The following TUBGCP5 variants were observed in gnomAD, a reference collection of about 807,000 sequenced individuals.
The protein encoded by TUBGCP5 is gamma-tubulin complex component 5.
TUBGCP5 carries 98 observed loss-of-function variants against 134.7 expected under a neutral mutation model. The observed-to-expected ratio is 0.73, with a 90% CI of 0.62 to 0.86. The LOEUF (loss-of-function observed/expected upper bound fraction) is 0.86, where lower values mean the gene tolerates loss of function less well. Ranked by LOEUF, TUBGCP5 falls within the 40% of genes least tolerant of loss-of-function variation. The pLI is 0.00. For missense variants in TUBGCP5, 1,150 were observed against 1,244.8 expected (o/e 0.92, Z 1.15); for synonymous variants, 456 against 431.4 (o/e 1.06, Z -0.71).
chr15:23,010,583 T>C (rs2064977239), intron 14 of TUBGCP5, among the ~76,000 whole-genome samples: 1 of 152,150 alleles, frequency 6.6e-6, no homozygotes, highest in Admixed American at 6.5e-5. Context: ...ACAAAAGTTG[T>C]ACCACATGGT....
chr15:23,003,273 T>C, intron 20 of TUBGCP5, 120 bp from the exon 21 acceptor site: 3 of 895,026 alleles, frequency 3.4e-6, no homozygotes, highest in Non-Finnish European at 5.3e-6. Flanking sequence ...CTGCCTTCTG[T>C]GTATATGGAA....
intron 19 of TUBGCP5, chr15:23,004,519 G>A: frequency 2.7e-6 from 1 of 365,398 alleles, no homozygotes. Context: ...AGCACATTAA[G>A]CTGTATATAA....
At chr15:23,008,941 G>C in intron 15 of TUBGCP5, 60 bp from the exon 16 acceptor site, 2 of 1,404,890 alleles carry the variant, frequency 1.4e-6, no homozygotes, top group Middle Eastern at 1.9e-4. Flanking sequence ...CAGGATTCTG[G>C]ATCAACAACA....
intron 11 of TUBGCP5, among the ~76,000 whole-genome samples, chr15:23,020,426 A>C (rs549163384): frequency 2.8e-4 from 43 of 151,218 alleles, no homozygotes; most frequent in Admixed American, 9.9e-4. Flanking sequence ...ACAAAAAAAA[A>C]CCCCAAAAAA....
intron 23 of TUBGCP5, among the ~76,000 whole-genome samples, chr15:22,984,314 C>A (rs2063616855): frequency 6.6e-6 from 1 of 151,964 alleles, no homozygotes. Context: ...AAAGGACTTC[C>A]ATGGAGAAAG....
chr15:23,037,988 T>G (rs371024180), intron 1 of TUBGCP5, among the ~76,000 whole-genome samples: 5 of 152,154 alleles, frequency 3.3e-5, no homozygotes, highest in Admixed American at 3.3e-4. Flanking sequence ...ATAGTCTCGA[T>G]CTCCTGACCT....
rs561323361 is a variant in TUBGCP5, at chr15:22,985,734, C to T, written c.*62-2123G>A. Among the ~76,000 whole-genome samples the T allele has an allele frequency of 2.3e-3, 353 of 152,172 alleles. 4 individuals carry two copies. Among genetic ancestry groups the T allele is most frequent in the African/African-American group, 8.1e-3 (337 of 41,532 alleles). On this transcript the variant is annotated intron_variant and NMD_transcript_variant, in intron 23 of 23. Coordinates refer to the TUBGCP5 transcript ENST00000614508. ...TATCAACAAACAGCTACTTGGGAGGCTGAGGCAGGAGAATCGCTTGAACCC... is the reference window on the plus strand; with the variant it reads ...TATCAACAAACAGCTACTTGGGAGGTTGAGGCAGGAGAATCGCTTGAACCC...
At chr15:23,028,752 C>G (rs1290361086) in intron 6 of TUBGCP5, among the ~76,000 whole-genome samples, 2 of 152,112 alleles carry the variant, frequency 1.3e-5, no homozygotes, top group Non-Finnish European at 2.9e-5. Context: ...GAAGCCCACT[C>G]CCATGAGCTG....
chr15:23,038,814 GA>G (rs1187050864), intron 1 of TUBGCP5, among the ~76,000 whole-genome samples: 1 of 152,012 alleles, frequency 6.6e-6, no homozygotes, highest in East Asian at 1.9e-4. Flanking sequence ...AGTTACAAGA[GA>G]AACTGCATTA....
At chr15:23,004,968 C>G (rs922855555) in intron 19 of TUBGCP5, among the ~76,000 whole-genome samples, 1 of 152,190 alleles carries the variant, frequency 6.6e-6, no homozygotes, top group Admixed American at 6.5e-5. Context: ...TCCCCTAGAA[C>G]TGGCTTTTAG....
intron 13 of TUBGCP5, among the ~76,000 whole-genome samples, chr15:23,017,009 G>C (rs1055852164): frequency 5.4e-5 from 5 of 92,806 alleles, no homozygotes; most frequent in African/African-American, 2.2e-4. Context: ...GAAGATAAAA[G>C]AGTGAATCCT....
chr15:23,024,740 T>C lies in TUBGCP5; in HGVS notation c.918A>G (p.Thr306=). ...ACCATAAATACAAATAACTTACATG[T>C]GTTAAATGAGTTACTATAATATTGT... ...VRNNIIVTHL[T]HSCLRSVLEQ... The change falls in exon 9 of 23, where the codon ACA becomes ACG. Residue 306 remains threonine, a synonymous_variant. Transcript: ENST00000615383. 1 of 1,456,244 alleles carries C rather than the reference T, an allele frequency of 6.9e-7. No individual in the cohort carries two copies. 90.2% of individuals were successfully genotyped at this position (1,456,244 alleles called of 1,614,324 possible).
At chr15:23,019,572 C>T (rs1354667073) in intron 11 of TUBGCP5, among the ~76,000 whole-genome samples, 1 of 151,830 alleles carries the variant, frequency 6.6e-6, no homozygotes, top group African/African-American at 2.4e-5. Context: ...CCGAGGTGGG[C>T]GGATCACCTG....
At chr15:23,016,331 A>G (rs2065313082) in intron 13 of TUBGCP5, among the ~76,000 whole-genome samples, 1 of 152,102 alleles carries the variant, frequency 6.6e-6, no homozygotes, top group African/African-American at 2.4e-5. Context: ...CGTCTCTACT[A>G]AAAACACAAA....
At chr15:23,005,731 G>T in intron 18 of TUBGCP5, 121 bp from the exon 19 acceptor site, 3 of 1,106,954 alleles carry the variant, frequency 2.7e-6, no homozygotes, top group African/African-American at 1.6e-5. Context: ...GCACTGGCAG[G>T]GGTGGCAGGA....
chr15:23,024,433 C>CTTT, intron 9 of TUBGCP5: 1 of 480,098 alleles, frequency 2.1e-6, no homozygotes, highest in East Asian at 3.6e-5. Context: ...AGTAAATGTA[C>CTTT]TTAAAGCAAA....
chr15:23,003,938 C>A (rs750876518), intron 20 of TUBGCP5, among the ~76,000 whole-genome samples, 164 bp downstream of exon 20: 3 of 152,128 alleles, frequency 2.0e-5, no homozygotes, highest in Non-Finnish European at 4.4e-5. Flanking sequence ...CAGGCATGAG[C>A]CATTGTGGCC....
chr15:23,000,814 C>T lies in TUBGCP5; in HGVS notation c.2928-145G>A, dbSNP rs1299150033. The T allele has an allele frequency of 4.4e-5, 27 of 612,996 alleles. 1 individual carries two copies. The East Asian group carries it at 7.6e-4, about 17-fold the overall frequency. 38.0% of individuals were successfully genotyped at this position (612,996 alleles called of 1,614,324 possible). A position where few individuals can be genotyped will look rare whatever the true frequency, so the allele number is the denominator to read the frequency against. On this transcript the variant is annotated intron_variant, in intron 21 of 22. Coordinates refer to ENST00000615383, the MANE Select transcript of TUBGCP5 (RefSeq NM_052903.6). ...AAAGATTATAAAATAAAACACATAA[C>T]GTCCTACCCTACTTTAAAATAAAAA...
At chr15:23,009,603 A>G (rs1044096351) in intron 15 of TUBGCP5, among the ~76,000 whole-genome samples, 1 of 151,880 alleles carries the variant, frequency 6.6e-6, no homozygotes, top group African/African-American at 2.4e-5. Context: ...TACAAAGTTC[A>G]TATGTGGGTA....
Sources: gnomAD v4.1 joint callset for allele counts (sites outside exome capture counted in the v4.1 genomes callset) on GRCh38, gnomAD v4.1.1 for gene constraint, MANE v1.5 for transcripts, NCBI Gene and HGNC (gene_info 2026-07-23, HGNC 2026-07-21) for gene names.